The following PIK3R5 variants were observed in gnomAD, a reference collection of about 807,000 sequenced individuals.
The protein encoded by PIK3R5 is phosphoinositide 3-kinase regulatory subunit 5.
In PIK3R5, 32 loss-of-function variants were observed where a neutral mutation model predicts 94.9. The observed-to-expected ratio is 0.34, with a 90% CI of 0.25 to 0.45. The LOEUF is 0.45. Among genes scored for constraint, PIK3R5 ranks in the 20% least tolerant of loss-of-function variants. The probability of loss-of-function intolerance (pLI) is 1.00; values close to 1 mark genes in which losing one functional copy is unlikely to be tolerated. For missense variants in PIK3R5, 853 were observed against 1,144.6 expected (o/e 0.75, Z 3.68); for synonymous variants, 443 against 479.4 (o/e 0.92, Z 0.99).
At chr17:8,886,449 G>C in intron 13 of PIK3R5, 28 bp downstream of exon 13, 1 of 1,597,586 alleles carries the variant, frequency 6.3e-7, no homozygotes, top group Non-Finnish European at 8.5e-7. Context: ...AGGTGGGGAA[G>C]AGGCGGTTCG....
chr17:8,958,703 C>T (rs2091505572), intron 1 of PIK3R5, among the ~76,000 whole-genome samples: 3 of 151,900 alleles, frequency 2.0e-5, no homozygotes. Flanking sequence ...CCTCTCTGAT[C>T]CGTAGACTGT....
chr17:8,927,716 A>G (rs1164016741), intron 1 of PIK3R5, among the ~76,000 whole-genome samples: 2 of 152,076 alleles, frequency 1.3e-5, no homozygotes, highest in African/African-American at 4.8e-5. Context: ...TTTTGGTCCC[A>G]CCAAGTCTCA....
At chr17:8,948,417 C>A (rs1212461234) in intron 1 of PIK3R5, among the ~76,000 whole-genome samples, 3 of 151,988 alleles carry the variant, frequency 2.0e-5, no homozygotes, top group African/African-American at 7.3e-5. Flanking sequence ...GAGCTCGTGG[C>A]CAGGAGGAGG....
intron 1 of PIK3R5, among the ~76,000 whole-genome samples, chr17:8,943,915 G>C (rs1464779594): frequency 1.3e-5 from 2 of 150,512 alleles, no homozygotes; most frequent in African/African-American, 4.9e-5. Flanking sequence ...TTTTAGGTGC[G>C]GGGGTACATG....
At chr17:8,941,181 G>T (rs1209538526) in intron 1 of PIK3R5, among the ~76,000 whole-genome samples, 2 of 152,174 alleles carry the variant, frequency 1.3e-5, no homozygotes, top group African/African-American at 4.8e-5. Flanking sequence ...CATGACTGAG[G>T]GGTGTAGCGG....
At chr17:8,927,108 T>C (rs2090897701) in intron 1 of PIK3R5, among the ~76,000 whole-genome samples, 1 of 152,134 alleles carries the variant, frequency 6.6e-6, no homozygotes, top group Non-Finnish European at 1.5e-5. Context: ...TGGCTTCTCT[T>C]TTTGCCTTAT....
Position 8,881,731 on chromosome 17 carries a change from C to G in PIK3R5, c.2300-19G>C. The G allele has an allele frequency of 6.2e-7, 1 of 1,613,754 alleles. No homozygotes were observed. Among genetic ancestry groups the G allele is most frequent in the Non-Finnish European group, 8.5e-7 (1 of 1,179,716 alleles). ...CTGGAATCTGAGGGGCAAGGACACT[C>G]AGGCCAGGCTCAGAGCACCTCCCTA... is the stretch of plus-strand genomic sequence containing the variant. On this transcript the variant is annotated intron_variant, in intron 16 of 18. Transcript: ENST00000447110. This position sits in a 1 kb window ranked among gnomAD's most constrained non-coding sequence, Gnocchi z 4.8.
intron 1 of PIK3R5, among the ~76,000 whole-genome samples, chr17:8,958,218 GAGA>G (rs1285764434): frequency 2.6e-5 from 4 of 150,960 alleles, no homozygotes; most frequent in Non-Finnish European, 5.9e-5. Context: ...GCTGAGGCAT[GAGA>G]ATTGTTTGAA....
At chr17:8,926,393 C>A (rs886612367) in intron 1 of PIK3R5, among the ~76,000 whole-genome samples, 1 of 152,078 alleles carries the variant, frequency 6.6e-6, no homozygotes, top group Non-Finnish European at 1.5e-5. Flanking sequence ...ATGTCTATAT[C>A]GATGTCAAAA....
intron 12 of PIK3R5, 47 bp downstream of exon 12, chr17:8,887,049 G>GCCAC: frequency 6.2e-7 from 1 of 1,608,796 alleles, no homozygotes; most frequent in South Asian, 1.1e-5. Flanking sequence ...GTGAGGCTGG[G>GCCAC]TGACTGCAGC....
At chr17:8,895,494 C>G (rs375689811) in intron 5 of PIK3R5, among the ~76,000 whole-genome samples, 3 of 152,148 alleles carry the variant, frequency 2.0e-5, no homozygotes, top group Non-Finnish European at 4.4e-5. Flanking sequence ...TGACCCTGCT[C>G]TCCTGAAGCT....
Position 8,893,019 on chromosome 17 carries a change from A to G in PIK3R5, c.482+567T>C, listed in dbSNP as rs1348390931. On this transcript the variant is annotated intron_variant, in intron 6 of 18. Transcript: ENST00000447110. This position sits in a 1 kb window ranked among gnomAD's most constrained non-coding sequence, Gnocchi z 5.1. ...AATAGAATAGAACAGAGCTCATCCTATGTAACCAGGATACATTTCATTTCA... is the reference window on the plus strand; with the variant it reads ...AATAGAATAGAACAGAGCTCATCCTGTGTAACCAGGATACATTTCATTTCA... Among the ~76,000 whole-genome samples, 2 of 151,416 alleles carry G rather than the reference A, an allele frequency of 1.3e-5. No individual in the cohort carries two copies. The highest frequency in any genetic ancestry group is 1.3e-4 in the Admixed American group (2 of 15,208).
rs550750569 is a variant in PIK3R5 at position 8,965,620 on chromosome 17, C to G, written c.-38G>C. 16 of 152,494 alleles carry G rather than the reference C, an allele frequency of 1.0e-4. No individual in the cohort carries two copies. The highest frequency in any genetic ancestry group is 3.6e-4 in the African/African-American group (15 of 41,586). 9.4% of individuals were successfully genotyped at this position (152,494 alleles called of 1,614,324 possible). A position where few individuals can be genotyped will look rare whatever the true frequency, so the allele number is the denominator to read the frequency against. On this transcript the variant is annotated 5_prime_UTR_variant, in exon 1 of 19. Transcript: ENST00000447110. ...CCTGCAGTCCCCGCCGGGCGCCGAGCCCCTCTCCAGCGGCGACTCCCTGCG... is the reference window on the plus strand; with the variant it reads ...CCTGCAGTCCCCGCCGGGCGCCGAGGCCCTCTCCAGCGGCGACTCCCTGCG...
chr17:8,881,407 C>T lies in PIK3R5; in HGVS notation c.2382+223G>A, dbSNP rs1171278419. 1.3e-5 allele frequency among the ~76,000 whole-genome samples: 2 copies of T among 152,080 alleles called. No individual in the cohort carries two copies. Among genetic ancestry groups the T allele is most frequent in the East Asian group, 1.9e-4 (1 of 5,184 alleles). ...GGGCACCCCTACCTCCCCGACACCCCGCAACACTCCACACCTGTGTGCATC... is the reference window on the plus strand; with the variant it reads ...GGGCACCCCTACCTCCCCGACACCCTGCAACACTCCACACCTGTGTGCATC... On this transcript the variant is annotated intron_variant, in intron 17 of 18. Transcript: ENST00000447110. The surrounding 1 kb of genome is among the most constrained non-coding windows in gnomAD (Gnocchi z 4.8).
chr17:8,879,610 C>T lies in PIK3R5; in HGVS notation c.*1029G>A, dbSNP rs2089605964. 1 of 152,232 alleles carries T rather than the reference C, an allele frequency of 6.6e-6. No individual in the cohort carries two copies. The highest frequency in any genetic ancestry group is 2.4e-5 in the African/African-American group (1 of 41,458). The allele number at this position is 152,232 out of a possible 1,614,324, so 9.4% of individuals were successfully genotyped here. The stretch of plus-strand genomic sequence containing the variant: ...AGCCCACCCCTTACCCTGACGAAGG[C>T]AATCCTCCTCTGGAATGTCTCTTCC... On this transcript the variant is annotated 3_prime_UTR_variant, in exon 19 of 19. Transcript: ENST00000447110. The surrounding 1 kb of genome is among the most constrained non-coding windows in gnomAD (Gnocchi z 4.4).
At chr17:8,898,705 G>A (rs762989004) in intron 5 of PIK3R5, among the ~76,000 whole-genome samples, 2 of 152,088 alleles carry the variant, frequency 1.3e-5, no homozygotes, top group Non-Finnish European at 2.9e-5. Context: ...TGTCCTCCTC[G>A]TCATCATCAT....
chr17:8,922,270 TAATTGATTATCA>T (rs1403258371), intron 1 of PIK3R5, among the ~76,000 whole-genome samples: 8 of 152,172 alleles, frequency 5.3e-5, no homozygotes, highest in African/African-American at 1.9e-4. Flanking sequence ...TTGATAATCA[TAATTGATTATCA>T]AATTGATTAT....
At chr17:8,936,539 T>A (rs868178997) in intron 1 of PIK3R5, among the ~76,000 whole-genome samples, 19 of 152,252 alleles carry the variant, frequency 1.2e-4, no homozygotes, top group Admixed American at 2.6e-4. Context: ...TTGGCTTCTT[T>A]CATTTAGCAA....
At chr17:8,936,343 A>G (rs1223276124) in intron 1 of PIK3R5, among the ~76,000 whole-genome samples, 1 of 152,194 alleles carries the variant, frequency 6.6e-6, no homozygotes, top group African/African-American at 2.4e-5. Flanking sequence ...CTCCAAATAT[A>G]TAATATCAAT....
Sources: gnomAD v4.1 joint callset for allele counts (sites outside exome capture counted in the v4.1 genomes callset) on GRCh38, gnomAD v4.1.1 for gene constraint, Gnocchi (gnomAD v3.1) non-coding constraint, MANE v1.5 for transcripts, NCBI Gene and HGNC (gene_info 2026-07-23, HGNC 2026-07-21) for gene names.